Variants in ZNF385D observed in about 807,000 individuals in gnomAD.
The protein encoded by ZNF385D is zinc finger protein 385D.
In ZNF385D, 15 loss-of-function variants were observed where a neutral mutation model predicts 35.8. That is an observed-to-expected ratio of 0.42 (90% CI 0.28 to 0.64). ZNF385D has a LOEUF of 0.64. ZNF385D is among the 30% of genes least tolerant of loss of function. The pLI is 0.23. For missense variants in ZNF385D, 474 were observed against 494.6 expected (o/e 0.96, Z 0.39); for synonymous variants, 212 against 186.8 (o/e 1.13, Z -1.10).
chr3:21,762,444 T>C (rs1245967567), intron 3 of ZNF385D, among the ~76,000 whole-genome samples: 1 of 152,136 alleles, frequency 6.6e-6, no homozygotes, highest in Non-Finnish European at 1.5e-5. Context: ...GCACCTCCTC[T>C]CAGAAGCTTT....
intron 2 of ZNF385D, among the ~76,000 whole-genome samples, chr3:22,287,191 C>T (rs1446041731): frequency 1.3e-5 from 2 of 151,942 alleles, no homozygotes; most frequent in Non-Finnish European, 2.9e-5. Flanking sequence ...ATAAGTATAG[C>T]TACCTCTGCT....
upstream of ZNF385D, among the ~76,000 whole-genome samples, chr3:21,755,384 A>T (rs1027625962): frequency 6.6e-6 from 1 of 152,166 alleles, no homozygotes; most frequent in African/African-American, 2.4e-5. Context: ...TTCGACAACC[A>T]AGTCCCTATT....
chr3:21,636,413 T>TATATATAGAG (rs771464149), intron 2 of ZNF385D, among the ~76,000 whole-genome samples: 1 of 25,638 alleles, frequency 3.9e-5, no homozygotes, highest in African/African-American at 1.3e-4. Flanking sequence ...TATATATATA[T>TATATATAGAG]AGAGTTTCTT....
At chr3:22,001,976 CTA>C (rs1230429234) in intron 3 of ZNF385D, among the ~76,000 whole-genome samples, 2 of 151,594 alleles carry the variant, frequency 1.3e-5, no homozygotes, top group African/African-American at 4.8e-5. Context: ...CAATAAATGG[CTA>C]TATCAAAGAA....
intron 3 of ZNF385D, among the ~76,000 whole-genome samples, chr3:22,133,156 A>G (rs184501407): frequency 5.7e-4 from 87 of 152,294 alleles, no homozygotes; most frequent in Non-Finnish European, 8.4e-4. Flanking sequence ...ATACCCTCAA[A>G]TACCCTTCCT....
In ZNF385D at chr3:22,099,969, C is replaced by G. The variant is rs1199137347; in HGVS notation, c.325+68848G>C. ...GAGATATTTTAAAAAATAAAATGAA[C>G]TCAAACAAATTTACAAGAAAAAAAC... On this transcript the variant is annotated intron_variant, in intron 3 of 5. Coordinates refer to the ZNF385D transcript ENST00000494108. 1.3e-5 allele frequency among the ~76,000 whole-genome samples: 2 copies of G among 151,896 alleles called. 1 individual carries two copies. Among genetic ancestry groups the G allele is most frequent in the African/African-American group, 4.8e-5 (2 of 41,356 alleles).
intron 1 of ZNF385D, among the ~76,000 whole-genome samples, chr3:21,687,755 C>A (rs2067152997): frequency 6.6e-6 from 1 of 152,014 alleles, no homozygotes; most frequent in African/African-American, 2.4e-5. Context: ...GATCTAAATT[C>A]ATAGGAAATA....
At chr3:22,365,468 C>T (rs75722535) in intron 2 of ZNF385D, among the ~76,000 whole-genome samples, 3,582 of 152,064 alleles carry the variant, frequency 0.024, 140 homozygotes, top group African/African-American at 0.081. Flanking sequence ...GGTCAGTCGA[C>T]GAGATGTTTA....
At position 21,420,401 on chromosome 3, in the gene ZNF385D, C is replaced by G. The variant is rs1371425453; in HGVS notation, c.*813G>C. The G allele has an allele frequency of 6.6e-6, 1 of 152,208 alleles. No individual in the cohort carries two copies. 9.4% of individuals were successfully genotyped at this position (152,208 alleles called of 1,614,324 possible). On this transcript the variant is annotated 3_prime_UTR_variant, in exon 8 of 8. Coordinates refer to ENST00000281523, the MANE Select transcript of ZNF385D (RefSeq NM_024697.3). ...TTCAGATATAGGTTCATTATAAACA[C>G]TTCCCTGTTTCCAGCAATATATCTT... is the stretch of plus-strand genomic sequence containing the variant.
intron 3 of ZNF385D, among the ~76,000 whole-genome samples, chr3:22,076,559 A>G (rs909939747): frequency 6.6e-6 from 1 of 151,876 alleles, no homozygotes; most frequent in Admixed American, 6.6e-5. Context: ...ATAATCACAA[A>G]CTACAATTAC....
At chr3:21,919,582 C>A (rs1157990396) in intron 3 of ZNF385D, among the ~76,000 whole-genome samples, 1 of 152,208 alleles carries the variant, frequency 6.6e-6, no homozygotes, top group Non-Finnish European at 1.5e-5. Context: ...ATTTCCACTT[C>A]AAGAGAGCAT....
At chr3:22,133,378 C>A (rs1278022700) in intron 3 of ZNF385D, among the ~76,000 whole-genome samples, 1 of 151,710 alleles carries the variant, frequency 6.6e-6, no homozygotes, top group Admixed American at 6.6e-5. Flanking sequence ...TGGGGTGTGC[C>A]TGTGTGTGAA....
chr3:22,247,654 GTC>G (rs563640631), intron 2 of ZNF385D, among the ~76,000 whole-genome samples: 1 of 138,846 alleles, frequency 7.2e-6, no homozygotes, highest in Non-Finnish European at 1.5e-5. Context: ...TTGAGATGGA[GTC>G]TCTCTCTCTG....
chr3:21,800,015 C>A (rs1338516908), intron 3 of ZNF385D, among the ~76,000 whole-genome samples: 1 of 152,060 alleles, frequency 6.6e-6, no homozygotes, highest in Non-Finnish European at 1.5e-5. Flanking sequence ...ACCATTATTT[C>A]CAAAGATTAT....
At chr3:21,872,714 C>A (rs1697757197) in intron 3 of ZNF385D, among the ~76,000 whole-genome samples, 1 of 152,044 alleles carries the variant, frequency 6.6e-6, no homozygotes, top group African/African-American at 2.4e-5. Context: ...AGCTTGCAAA[C>A]CTAAACTTCT....
chr3:21,935,573 G>T (rs1175507137), intron 3 of ZNF385D, among the ~76,000 whole-genome samples: 1 of 152,116 alleles, frequency 6.6e-6, no homozygotes, highest in Non-Finnish European at 1.5e-5. Flanking sequence ...GTACACTTGA[G>T]ATTTCTGTTG....
intron 3 of ZNF385D, among the ~76,000 whole-genome samples, chr3:21,961,978 C>T (rs1332086640): frequency 2.0e-5 from 3 of 152,110 alleles, no homozygotes; most frequent in African/African-American, 7.2e-5. Context: ...GGACAGCACA[C>T]AGGGTCTTGT....
In ZNF385D at chr3:22,140,280, G is replaced by A. The variant is rs909189383; in HGVS notation, c.325+28537C>T. Among the ~76,000 whole-genome samples the A allele has an allele frequency of 2.0e-5, 3 of 152,112 alleles. No homozygotes were observed. The East Asian group carries it at 5.8e-4, about 29-fold the overall frequency. The stretch of plus-strand genomic sequence containing the variant: ...AACAGATTATTGATAACACAACATA[G>A]ATCTTAAATTCATAATGCTGCCTAA... On this transcript the variant is annotated intron_variant, in intron 3 of 5. Coordinates refer to the ZNF385D transcript ENST00000494108.
chr3:21,958,367 G>A (rs9822011), intron 3 of ZNF385D, among the ~76,000 whole-genome samples: 103,793 of 151,834 alleles, frequency 0.68, 36,626 homozygotes, highest in Non-Finnish European at 0.77. Flanking sequence ...AGGAATTTGT[G>A]TAAGTTTCAT....
Sources: gnomAD v4.1 joint callset for allele counts (sites outside exome capture counted in the v4.1 genomes callset) on GRCh38, gnomAD v4.1.1 for gene constraint, MANE v1.5 for transcripts, NCBI Gene and HGNC (gene_info 2026-07-23, HGNC 2026-07-21) for gene names.